PARP8: variants seen among roughly 807,000 people sequenced by gnomAD.
PARP8 encodes poly(ADP-ribose) polymerase family member 8, also known as protein mono-ADP-ribosyltransferase PARP8.
In PARP8, 51 loss-of-function variants were observed where a neutral mutation model predicts 124.1. That is an observed-to-expected ratio of 0.41 (90% CI 0.33 to 0.52). The LOEUF (loss-of-function observed/expected upper bound fraction) is 0.52. PARP8 is among the 20% of genes least tolerant of loss of function. The probability of loss-of-function intolerance (pLI) is 0.21; values close to 1 mark genes in which losing one functional copy is unlikely to be tolerated. For synonymous variants in PARP8, 391 were observed against 361.5 expected, an observed-to-expected ratio of 1.08 and a Z score of -0.93; for missense variants, 860 against 1,018.9, an observed-to-expected ratio of 0.84 and a Z score of 2.12.
intron 10 of PARP8, among the ~76,000 whole-genome samples, chr5:50,793,888 C>T (rs1327422164): frequency 1.3e-5 from 2 of 151,784 alleles, no homozygotes; most frequent in East Asian, 1.9e-4. Context: ...TCCTGAAGGC[C>T]GTCTTTATAA....
intron 2 of PARP8, among the ~76,000 whole-genome samples, chr5:50,698,106 A>G (rs1753221973): frequency 6.6e-6 from 1 of 152,224 alleles, no homozygotes; most frequent in Admixed American, 6.5e-5. Flanking sequence ...TATGACCTTC[A>G]TGAAGACTTT....
chr5:50,821,316 A>C lies in PARP8; in HGVS notation c.1772A>C (p.Gln591Pro). 1.2e-6 allele frequency: 2 copies of C among 1,614,108 alleles called. No individual in the cohort carries two copies. Residue 591 changes from glutamine (Q) to proline (P), a missense_variant, in exon 16 of 26, where the codon CAG becomes CCG. Physicochemically the swap from Gln to Pro is moderately conservative, Grantham distance 76. This residue lies in a region of PARP8 where 343 missense variants were observed against 474.7 expected (regional missense o/e 0.72). Coordinates refer to ENST00000281631, the MANE Select transcript of PARP8 (RefSeq NM_024615.4). Reference sequence around the variant, plus strand: ...TCTGTGGTAGATCCTAATGATCCTCAGATGTTGGCCTTCAACCCCAGGGTA... The same window carrying C: ...TCTGTGGTAGATCCTAATGATCCTCCGATGTTGGCCTTCAACCCCAGGGTA... ...YPSVVDPNDP[Q>P]MLAFNPRKKN...
intron 19 of PARP8, among the ~76,000 whole-genome samples, chr5:50,827,455 T>C (rs146358582): frequency 6.6e-6 from 1 of 152,260 alleles, no homozygotes; most frequent in African/African-American, 2.4e-5. Context: ...AGACTATATT[T>C]GAATGTAGGC....
At chr5:50,757,273 A>T in intron 3 of PARP8, 1 of 406,318 alleles carries the variant, frequency 2.5e-6, no homozygotes, top group Non-Finnish European at 4.9e-6. Flanking sequence ...ATCATAAAAA[A>T]AAACAGGCCA....
intron 9 of PARP8, among the ~76,000 whole-genome samples, chr5:50,780,168 GT>G: frequency 6.6e-6 from 1 of 152,262 alleles, no homozygotes; most frequent in South Asian, 2.1e-4. Context: ...TCATGAGGCT[GT>G]CTTCAAGTCA....
chr5:50,672,026 A>G (rs1201174746), intron 2 of PARP8, among the ~76,000 whole-genome samples: 1 of 152,150 alleles, frequency 6.6e-6, no homozygotes, highest in East Asian at 1.9e-4. Context: ...ATATTCCTTA[A>G]AGCACAGGCT....
intron 2 of PARP8, among the ~76,000 whole-genome samples, chr5:50,695,262 G>C (rs187379008): frequency 9.2e-5 from 14 of 152,328 alleles, no homozygotes; most frequent in Admixed American, 6.5e-4. Flanking sequence ...AAGTGCCTTG[G>C]TAATAATACT....
intron 7 of PARP8, among the ~76,000 whole-genome samples, chr5:50,770,537 GAA>G (rs1470690473): frequency 1.3e-5 from 2 of 150,312 alleles, no homozygotes; most frequent in African/African-American, 2.4e-5. Context: ...AGAAAAGAGA[GAA>G]AGAGAGAGAG....
At chr5:50,774,492 C>A (rs1216786492) in intron 7 of PARP8, among the ~76,000 whole-genome samples, 10 of 132,250 alleles carry the variant, frequency 7.6e-5, no homozygotes, top group African/African-American at 2.8e-4. Context: ...ACGGGGCGGC[C>A]GGGCAGAGGC....
chr5:50,802,472 C>T (rs950911062), intron 14 of PARP8, among the ~76,000 whole-genome samples: 1 of 152,096 alleles, frequency 6.6e-6, no homozygotes, highest in African/African-American at 2.4e-5. Context: ...GCACAAGCCA[C>T]TATGCCTGGC....
intron 17 of PARP8, among the ~76,000 whole-genome samples, chr5:50,822,986 A>G (rs1745934102): frequency 6.6e-6 from 1 of 152,230 alleles, no homozygotes; most frequent in African/African-American, 2.4e-5. Flanking sequence ...ACACTGTTGA[A>G]TTATTGAGAC....
At position 50,795,039 on chromosome 5, in the gene PARP8, G is replaced by A. The variant is rs761071600; in HGVS notation, c.1050G>A (p.Ala350=). The change falls in exon 12 of 26, where the codon GCG becomes GCA. Residue 350 remains alanine (A), a synonymous_variant. Coordinates refer to ENST00000281631, the MANE Select transcript of PARP8 (RefSeq NM_024615.4). The stretch of plus-strand genomic sequence containing the variant: ...GCTCCTTGTCCAGCGATCCCAGGGC[G>A]GAGCAGGCTATGACAGCAATTAAAT... ...FGRSLSSDPR[A]EQAMTAIKSH... 11 of 1,614,056 alleles carry A rather than the reference G, an allele frequency of 6.8e-6. No homozygotes were observed. Among genetic ancestry groups the A allele is most frequent in the African/African-American group, 2.7e-5 (2 of 74,928 alleles).
At chr5:50,701,733 G>C (rs1297952877) in intron 2 of PARP8, among the ~76,000 whole-genome samples, 1 of 152,124 alleles carries the variant, frequency 6.6e-6, no homozygotes, top group Non-Finnish European at 1.5e-5. Context: ...CGTAGATATA[G>C]CTACATCCTA....
chr5:50,727,076 C>T (rs1339461077), intron 2 of PARP8, among the ~76,000 whole-genome samples: 2 of 152,110 alleles, frequency 1.3e-5, no homozygotes, highest in Admixed American at 6.6e-5. Context: ...GAGAAAAACA[C>T]AGGCAATTCC....
At position 50,795,250 on chromosome 5, in the gene PARP8, T is replaced by C. The variant is rs1284487961; in HGVS notation, c.1261T>C (p.Tyr421His). The C allele has an allele frequency of 1.9e-6, 3 of 1,614,066 alleles. No homozygotes were observed. The highest frequency in any genetic ancestry group is 2.7e-5 in the African/African-American group (2 of 74,914). Residue 421 changes from tyrosine to histidine, a missense_variant, in exon 12 of 26, where the codon TAT becomes CAT. Tyr to His is a moderately conservative substitution (Grantham distance 83). This residue lies in a region of PARP8 where 517 missense variants were observed against 544.2 expected (regional missense o/e 0.95). Transcript: ENST00000281631. Reference sequence around the variant, plus strand: ...TAGTAATCTCAGAATGGAAGAATTATATGGACTGAAAAATCACAAATTGCT... The same window carrying C: ...TAGTAATCTCAGAATGGAAGAATTACATGGACTGAAAAATCACAAATTGCT... ...YSSNLRMEEL[Y>H]GLKNHKLLSK...
chr5:50,738,623 G>T (rs1757712288), intron 2 of PARP8, among the ~76,000 whole-genome samples: 2 of 151,340 alleles, frequency 1.3e-5, no homozygotes, highest in African/African-American at 4.9e-5. Flanking sequence ...TTAAACCAAT[G>T]GTGTCTAATC....
intron 2 of PARP8, among the ~76,000 whole-genome samples, chr5:50,749,221 A>C (rs1331598021): frequency 6.6e-6 from 1 of 152,156 alleles, no homozygotes; most frequent in Non-Finnish European, 1.5e-5. Flanking sequence ...TCTGTCTTCT[A>C]TATGTTCCTT....
At chr5:50,764,871 A>G in intron 7 of PARP8, among the ~76,000 whole-genome samples, 1 of 151,322 alleles carries the variant, frequency 6.6e-6, no homozygotes, top group East Asian at 1.9e-4. Flanking sequence ...CTTTAATTTT[A>G]AGCACAATAA....
intron 2 of PARP8, among the ~76,000 whole-genome samples, chr5:50,729,347 T>C (rs1195743399): frequency 6.6e-6 from 1 of 152,094 alleles, no homozygotes; most frequent in Non-Finnish European, 1.5e-5. Context: ...TTTAATACAT[T>C]GCATAATTGT....
Sources: gnomAD v4.1 joint callset for allele counts (sites outside exome capture counted in the v4.1 genomes callset) on GRCh38, gnomAD v4.1.1 for gene constraint, gnomAD v4.1.1 regional missense constraint, MANE v1.5 for transcripts, NCBI Gene and HGNC (gene_info 2026-07-23, HGNC 2026-07-21) for gene names.